Variants in SLCO2B1 observed in about 807,000 individuals in gnomAD.
SLCO2B1 encodes the protein OATP-RP2.
SLCO2B1 carries 41 observed loss-of-function variants against 67.3 expected under a neutral mutation model. The observed-to-expected ratio is 0.61, with a 90% CI of 0.47 to 0.79. The LOEUF is 0.79. SLCO2B1 is among the 30% of genes least tolerant of loss of function. The pLI, the probability that SLCO2B1 is intolerant of heterozygous loss-of-function variation, is 0.00. For missense variants in SLCO2B1, 837 were observed against 920.1 expected, an observed-to-expected ratio of 0.91 and a Z score of 1.17; for synonymous variants, 379 against 381.4, an observed-to-expected ratio of 0.99 and a Z score of 0.07.
intron 7 of SLCO2B1, among the ~76,000 whole-genome samples, chr11:75,186,909 G>A (rs551308214): frequency 6.6e-6 from 1 of 152,200 alleles, no homozygotes; most frequent in African/African-American, 2.4e-5. Flanking sequence ...CCTTCAGGGT[G>A]TACCAGTGAA....
intron 13 of SLCO2B1, 76 bp from the exon 14 acceptor site, chr11:75,204,323 AC>A: frequency 7.1e-7 from 1 of 1,418,250 alleles, no homozygotes. Flanking sequence ...CTCTGATTTC[AC>A]AATGAGTGAT....
chr11:75,191,909 A>C (rs1299782392), intron 8 of SLCO2B1, among the ~76,000 whole-genome samples: 1 of 151,986 alleles, frequency 6.6e-6, no homozygotes, highest in African/African-American at 2.4e-5. Context: ...GGACTTACCC[A>C]CCCTTTTGTG....
Position 75,193,528 on chromosome 11 carries a change from T to C in SLCO2B1, c.1386T>C (p.Phe462=). 1 of 1,583,472 alleles carries C rather than the reference T, an allele frequency of 6.3e-7. No homozygotes were observed. Residue 462 remains phenylalanine, a synonymous_variant, in exon 9 of 14, where the codon TTT becomes TTC. Coordinates refer to ENST00000289575, the MANE Select transcript of SLCO2B1 (RefSeq NM_007256.5). This position sits in a 1 kb window ranked among gnomAD's most constrained non-coding sequence, Gnocchi z 4.2. ...TCTTCTTCAGCCTGCCGCTCTTCTT[T>C]ATCGGCTGCTCCAGCCACCAGATTG... ...LCLFFSLPLF[F]IGCSSHQIAG...
At chr11:75,179,903 G>C (rs1439958236) in intron 7 of SLCO2B1, among the ~76,000 whole-genome samples, 3 of 152,062 alleles carry the variant, frequency 2.0e-5, no homozygotes, top group African/African-American at 7.2e-5. Context: ...TGTTGGCCAG[G>C]CTGGTCTTGA....
At chr11:75,160,121 TCCAGGTCAAGGA>T (rs1227284289) in intron 1 of SLCO2B1, among the ~76,000 whole-genome samples, 18 of 152,302 alleles carry the variant, frequency 1.2e-4, no homozygotes, top group African/African-American at 4.1e-4. Context: ...GAGCTGGGGC[TCCAGGTCAAGGA>T]CTTCTGCTCC....
At position 75,188,257 on chromosome 11, in the gene SLCO2B1, G is replaced by C; in HGVS notation, c.1075+19G>C. ...ATTAAAGGTAAGTCAGCTCAGACCA[G>C]GTTATGGGGAGCCAGGGCCAGAGGG... is the stretch of plus-strand genomic sequence containing the variant. On this transcript the variant is annotated intron_variant, in intron 8 of 13. Transcript: ENST00000289575. The C allele has an allele frequency of 6.4e-7, 1 of 1,563,712 alleles. No individual in the cohort carries two copies.
At chr11:75,166,239 G>T (rs1187363142) in intron 4 of SLCO2B1, among the ~76,000 whole-genome samples, 45 of 152,140 alleles carry the variant, frequency 3.0e-4, no homozygotes. Flanking sequence ...AGCCTACTTT[G>T]AGGGCCTGGC....
chr11:75,199,913 G>A (rs796488314), intron 10 of SLCO2B1: 6 of 373,510 alleles, frequency 1.6e-5, no homozygotes, highest in African/African-American at 1.2e-4. Context: ...TTTTCTTACA[G>A]TTGGTGTGTA....
At chr11:75,169,613 T>G (rs1449851184) in intron 5 of SLCO2B1, 53 bp from the exon 6 acceptor site, 3 of 1,480,070 alleles carry the variant, frequency 2.0e-6, no homozygotes, top group Non-Finnish European at 2.8e-6. Flanking sequence ...CAAGCACTGG[T>G]CTGCAGAGGG....
intron 8 of SLCO2B1, among the ~76,000 whole-genome samples, chr11:75,190,838 C>T (rs1945011729): frequency 6.6e-6 from 1 of 151,658 alleles, no homozygotes; most frequent in Admixed American, 6.6e-5. Flanking sequence ...TGAGGGAGGC[C>T]CTGGCTTGTC....
intron 1 of SLCO2B1, 47 bp downstream of exon 1, chr11:75,151,444 G>C: frequency 5.0e-6 from 8 of 1,607,132 alleles, no homozygotes; most frequent in Non-Finnish European, 6.8e-6. Context: ...CAAGCCTGGG[G>C]GACATGTTCC....
intron 7 of SLCO2B1, among the ~76,000 whole-genome samples, chr11:75,175,462 T>G (rs1418121025): frequency 6.6e-6 from 1 of 152,126 alleles, no homozygotes; most frequent in Non-Finnish European, 1.5e-5. Context: ...GAGCTAACTC[T>G]GAAATCTCAC....
chr11:75,195,239 C>G (rs1394048882), intron 9 of SLCO2B1, among the ~76,000 whole-genome samples: 1 of 152,202 alleles, frequency 6.6e-6, no homozygotes, highest in Non-Finnish European at 1.5e-5. Context: ...GACTCCCTAG[C>G]TCTTATCTGC....
chr11:75,171,341 T>TG (rs1396401440), intron 6 of SLCO2B1, among the ~76,000 whole-genome samples: 2 of 152,156 alleles, frequency 1.3e-5, no homozygotes, highest in Non-Finnish European at 2.9e-5. Context: ...ACTGCAGCCT[T>TG]GGATGCCTGG....
intron 13 of SLCO2B1, 75 bp from the exon 14 acceptor site, chr11:75,204,325 A>C (rs1328980246): frequency 2.1e-6 from 3 of 1,424,590 alleles, no homozygotes; most frequent in Non-Finnish European, 2.9e-6. Context: ...CTGATTTCAC[A>C]ATGAGTGATG....
chr11:75,196,706 C>G, intron 10 of SLCO2B1, 27 bp downstream of exon 10: 1 of 1,605,686 alleles, frequency 6.2e-7, no homozygotes, highest in Non-Finnish European at 8.5e-7. Flanking sequence ...GTGGCAACCT[C>G]TGCCCCTCAG....
chr11:75,204,146 G>T (rs967008609), intron 13 of SLCO2B1: 1 of 349,452 alleles, frequency 2.9e-6, no homozygotes, highest in Non-Finnish European at 5.1e-6. Flanking sequence ...CTGAGCCCTT[G>T]GGCTCGGAGA....
chr11:75,187,749 T>C (rs1231592749), intron 7 of SLCO2B1, among the ~76,000 whole-genome samples: 2 of 152,130 alleles, frequency 1.3e-5, no homozygotes, highest in Non-Finnish European at 2.9e-5. Context: ...ACTAAATTTG[T>C]CATTTAGTCA....
chr11:75,174,521 C>T (rs1287050514), intron 7 of SLCO2B1, among the ~76,000 whole-genome samples: 2 of 152,036 alleles, frequency 1.3e-5, no homozygotes, highest in African/African-American at 4.8e-5. Context: ...TGGGATGTCC[C>T]CAAGACAGTG....
Sources: gnomAD v4.1 joint callset for allele counts (sites outside exome capture counted in the v4.1 genomes callset) on GRCh38, gnomAD v4.1.1 for gene constraint, Gnocchi (gnomAD v3.1) non-coding constraint, MANE v1.5 for transcripts, NCBI Gene and HGNC (gene_info 2026-07-23, HGNC 2026-07-21) for gene names.